BAIAP2: variants seen among roughly 807,000 people sequenced by gnomAD.
BAIAP2 encodes the protein BAR/IMD domain-containing adapter protein 2.
A neutral mutation model predicts 63.0 loss-of-function variants in BAIAP2; 18 were observed. The ratio of observed to expected loss-of-function variants is 0.29; its 90% CI spans 0.20 to 0.42. BAIAP2 has a LOEUF of 0.42. BAIAP2 is among the 10% of genes least tolerant of loss of function. The probability of loss-of-function intolerance (pLI) is 1.00; values close to 1 mark genes in which losing one functional copy is unlikely to be tolerated. For missense variants in BAIAP2, 610 were observed against 734.3 expected (o/e 0.83, Z 1.96); for synonymous variants, 386 against 307.6 (o/e 1.25, Z -2.67).
At chr17:81,110,046 G>A in intron 13 of BAIAP2, 2 of 985,474 alleles carry the variant, frequency 2.0e-6, no homozygotes, top group Non-Finnish European at 2.4e-6. Context: ...GGACTCAGTG[G>A]CTACTGGTAT....
Position 81,115,826 on chromosome 17 carries a change from CCCT to C in BAIAP2, c.1597_1599del (p.Leu533del), listed in dbSNP as rs773776295. 11 of 1,613,496 alleles carry C rather than the reference CCCT, an allele frequency of 6.8e-6. No homozygotes were observed. The highest frequency in any genetic ancestry group is 9.3e-6 in the Non-Finnish European group (11 of 1,180,010). ...ACAGTGACCAACGACAGGTCTGCCCCCCTCCTCAGCTGATGGCCACATCTGCAG... is the reference window on the plus strand; with the variant it reads ...ACAGTGACCAACGACAGGTCTGCCCCCCTCAGCTGATGGCCACATCTGCAG... On this transcript the variant is annotated inframe_deletion, in exon 14 of 14. Coordinates refer to ENST00000428708, the MANE Select transcript of BAIAP2 (RefSeq NM_001144888.2).
chr17:81,053,252 G>C (rs1568080326), intron 1 of BAIAP2: 1 of 188,944 alleles, frequency 5.3e-6, no homozygotes, highest in Admixed American at 5.6e-5. Flanking sequence ...TTAGTGGGAG[G>C]GGGGTGCCGG....
At position 81,106,857 on chromosome 17, in the gene BAIAP2, A is replaced by G. The variant is rs768284859; in HGVS notation, c.1450A>G (p.Ser484Gly). The change falls in exon 12 of 14, where the codon AGC (serine) becomes GGC (glycine). Residue 484 changes from serine (S) to glycine (G), a missense_variant. By Grantham distance (56) the Ser-to-Gly change is moderately conservative (BLOSUM62 0). Around this residue, in one of 5 missense-constraint regions of BAIAP2, gnomAD observed 114 missense variants for 98.2 expected, o/e 1.16. Coordinates refer to ENST00000428708, the MANE Select transcript of BAIAP2 (RefSeq NM_001144888.2). ...ASRAFPAQTA[S>G]GFKQRPYSVA... ...CCGGGCCTTCCCCGCCCAGACGGCC[A>G]GCGGCTTCAAGCAGAGGCCCTACAG... 1.2e-6 allele frequency: 2 copies of G among 1,606,210 alleles called. No homozygotes were observed. Among genetic ancestry groups the G allele is most frequent in the East Asian group, 4.5e-5 (2 of 44,816 alleles).
intron 13 of BAIAP2, among the ~76,000 whole-genome samples, chr17:81,113,958 C>CTT (rs58758919): frequency 1.6e-3 from 133 of 83,140 alleles, no homozygotes; most frequent in South Asian, 5.0e-3. Flanking sequence ...TGGGAACCCA[C>CTT]TTTTTTTTTT....
At chr17:81,082,282 ATAGG>A (rs1438354731) in intron 3 of BAIAP2, among the ~76,000 whole-genome samples, 1 of 152,200 alleles carries the variant, frequency 6.6e-6, no homozygotes, top group African/African-American at 2.4e-5. Context: ...GCCCACTCAC[ATAGG>A]TAGACATGCA....
chr17:81,109,190 C>T, intron 13 of BAIAP2: 2 of 1,407,682 alleles, frequency 1.4e-6, no homozygotes, highest in African/African-American at 1.5e-5. Flanking sequence ...CATCCGCCCC[C>T]CCTCCCCTGT....
At chr17:81,065,890 T>C (rs936745335) in intron 3 of BAIAP2, among the ~76,000 whole-genome samples, 1 of 152,214 alleles carries the variant, frequency 6.6e-6, no homozygotes, top group Non-Finnish European at 1.5e-5. Context: ...AATCACCCTG[T>C]AGAGAGTTGT....
intron 7 of BAIAP2, among the ~76,000 whole-genome samples, chr17:81,101,972 G>A (rs1002881052): frequency 6.6e-6 from 1 of 152,232 alleles, no homozygotes; most frequent in Non-Finnish European, 1.5e-5. Context: ...GGGCCAGGGA[G>A]TGAGAGCGGG....
rs763567780 is a variant in BAIAP2, at chr17:81,035,253, C to T, written c.-2C>T. The T allele has an allele frequency of 3.3e-6, 5 of 1,522,042 alleles. No homozygotes were observed. The East Asian group carries it at 1.1e-4, about 34-fold the overall frequency. 94.3% of individuals were successfully genotyped at this position (1,522,042 alleles called of 1,614,324 possible). ...TCTGTGGTGCAGCCGGGACCCAGGACCATGTCTCTGTCTCGCTCAGAGGAG... is the reference window on the plus strand; with the variant it reads ...TCTGTGGTGCAGCCGGGACCCAGGATCATGTCTCTGTCTCGCTCAGAGGAG... On this transcript the variant is annotated 5_prime_UTR_variant, in exon 1 of 14. Coordinates refer to ENST00000428708, the MANE Select transcript of BAIAP2 (RefSeq NM_001144888.2).
chr17:81,042,045 A>G (rs1432433039), intron 1 of BAIAP2, among the ~76,000 whole-genome samples: 5 of 151,822 alleles, frequency 3.3e-5, no homozygotes, highest in South Asian at 4.2e-4. Context: ...AGGGGTGCCA[A>G]TGCCAGAACA....
intron 6 of BAIAP2, among the ~76,000 whole-genome samples, chr17:81,097,930 G>C (rs1335457080): frequency 6.6e-6 from 1 of 152,204 alleles, no homozygotes; most frequent in Non-Finnish European, 1.5e-5. Context: ...CAAAACCGGA[G>C]AGCCCTTGAC....
intron 6 of BAIAP2, among the ~76,000 whole-genome samples, chr17:81,092,809 C>T (rs2056997728): frequency 6.6e-6 from 1 of 152,204 alleles, no homozygotes; most frequent in Non-Finnish European, 1.5e-5. Flanking sequence ...ATGTTCTCCA[C>T]ACCACGCGGG....
intron 3 of BAIAP2, among the ~76,000 whole-genome samples, chr17:81,078,535 T>A (rs1386477561): frequency 7.1e-6 from 1 of 141,472 alleles, no homozygotes; most frequent in Admixed American, 7.0e-5. Flanking sequence ...GGTGCCGTAT[T>A]GGGTGGGAGC....
chr17:81,086,485 G>A lies in BAIAP2; in HGVS notation c.394G>A (p.Asp132Asn), dbSNP rs748476838. 3 of 1,613,958 alleles carry A rather than the reference G, an allele frequency of 1.9e-6. No homozygotes were observed. Among genetic ancestry groups the A allele is most frequent in the African/African-American group, 1.3e-5 (1 of 74,918 alleles). ...CCAGACTGAGCAAAGGAGCAAAGGC[G>A]ACGCCCTGGACAAGTGTCAGGCTGA... ...KYQTEQRSKG[D>N]ALDKCQAELK... Residue 132 changes from aspartate (D) to asparagine (N), a missense_variant, in exon 6 of 14, where the codon GAC (aspartate) becomes AAC (asparagine). By Grantham distance (23) the Asp-to-Asn change is conservative. Around this residue, in one of 5 missense-constraint regions of BAIAP2, gnomAD observed 389 missense variants for 455.6 expected, o/e 0.85. Transcript: ENST00000428708.
At chr17:81,095,369 C>T (rs571407043) in intron 6 of BAIAP2, among the ~76,000 whole-genome samples, 2 of 152,290 alleles carry the variant, frequency 1.3e-5, no homozygotes, top group East Asian at 1.9e-4. Flanking sequence ...CACAGTTGGC[C>T]GGGCCCTGCA....
At chr17:81,065,870 G>A (rs558960150) in intron 3 of BAIAP2, among the ~76,000 whole-genome samples, 2 of 152,252 alleles carry the variant, frequency 1.3e-5, no homozygotes, top group Non-Finnish European at 2.9e-5. Flanking sequence ...GTGCAGGGAG[G>A]CTAAGGTCTA....
At chr17:81,062,017 A>G (rs548312740) in intron 3 of BAIAP2, among the ~76,000 whole-genome samples, 2 of 152,246 alleles carry the variant, frequency 1.3e-5, no homozygotes, top group African/African-American at 4.8e-5. Context: ...ATCTCGGCTC[A>G]CTGCCACCTT....
chr17:81,035,180 T>A lies in BAIAP2; in HGVS notation c.-75T>A. ...TTCGGGTCCGCTTTCGTCTCCGTCCTGCTGCCGTTACCGCCGCTGCTGCCG... is the reference window on the plus strand; with the variant it reads ...TTCGGGTCCGCTTTCGTCTCCGTCCAGCTGCCGTTACCGCCGCTGCTGCCG... On this transcript the variant is annotated 5_prime_UTR_variant, in exon 1 of 14. Coordinates refer to ENST00000428708, the MANE Select transcript of BAIAP2 (RefSeq NM_001144888.2). The A allele has an allele frequency of 1.3e-5, 17 of 1,281,968 alleles. No individual in the cohort carries two copies. The highest frequency in any genetic ancestry group is 1.7e-5 in the Non-Finnish European group (16 of 954,468). The allele number at this position is 1,281,968 out of a possible 1,614,324, so 79.4% of individuals were successfully genotyped here.
chr17:81,041,558 TTGTTTTTTC>T (rs1200834584), intron 1 of BAIAP2, among the ~76,000 whole-genome samples: 1 of 152,180 alleles, frequency 6.6e-6, no homozygotes, highest in Non-Finnish European at 1.5e-5. Flanking sequence ...TGTTTGTTTT[TTGTTTTTTC>T]TGTTTTGTTT....
Sources: gnomAD v4.1 joint callset for allele counts (sites outside exome capture counted in the v4.1 genomes callset) on GRCh38, gnomAD v4.1.1 for gene constraint, gnomAD v4.1.1 regional missense constraint, MANE v1.5 for transcripts, NCBI Gene and HGNC (gene_info 2026-07-23, HGNC 2026-07-21) for gene names.